RECQL: variants seen among roughly 807,000 people sequenced by gnomAD.
RECQL encodes the protein ATP-dependent DNA helicase Q1.
A neutral mutation model predicts 75.8 loss-of-function variants in RECQL; 73 were observed. The observed-to-expected ratio is 0.96, with a 90% CI of 0.80 to 1.17. The LOEUF is 1.17. Among genes scored for constraint, RECQL ranks in the 50% most tolerant of loss-of-function variants. The pLI, the probability that RECQL is intolerant of heterozygous loss-of-function variation, is 0.00. For missense variants in RECQL, 699 were observed against 772.1 expected, an observed-to-expected ratio of 0.91 and a Z score of 1.12; for synonymous variants, 248 against 254.4, an observed-to-expected ratio of 0.97 and a Z score of 0.24.
intron 13 of RECQL, 41 bp from the exon 14 acceptor site, chr12:21,471,139 G>A: frequency 6.6e-6 from 10 of 1,526,524 alleles, no homozygotes; most frequent in Non-Finnish European, 8.7e-6. Context: ...GCTTTTGAAG[G>A]AATCACGGAA....
intron 13 of RECQL, 164 bp downstream of exon 13, chr12:21,471,264 T>A (rs1358999794): frequency 5.1e-6 from 5 of 981,164 alleles, no homozygotes; most frequent in Non-Finnish European, 7.2e-6. Flanking sequence ...TTTCGTTACT[T>A]TTTTTTATTT....
rs2137328531 is a variant in RECQL at position 21,473,662 on chromosome 12, T to C, written c.1356-20A>G. The C allele has an allele frequency of 6.3e-7, 1 of 1,594,564 alleles. No individual in the cohort carries two copies. Among genetic ancestry groups the C allele is most frequent in the Non-Finnish European group, 8.6e-7 (1 of 1,164,296 alleles). On this transcript the variant is annotated intron_variant, in intron 11 of 14. Coordinates refer to ENST00000444129, the MANE Select transcript of RECQL (RefSeq NM_002907.4). ...CGACATCTGCAAACACATTTAAAGA[T>C]ACAAATTATTAAAGGATATAATAAA... is the stretch of plus-strand genomic sequence containing the variant.
intron 6 of RECQL, 29 bp downstream of exon 6, chr12:21,483,347 A>T (rs763106400): frequency 6.5e-7 from 1 of 1,536,260 alleles, no homozygotes; most frequent in South Asian, 1.2e-5. Context: ...CTATGACATC[A>T]AAAAGTTTTC....
intron 3 of RECQL, 45 bp downstream of exon 3, chr12:21,491,474 A>C: frequency 6.6e-7 from 1 of 1,519,342 alleles, no homozygotes; most frequent in Non-Finnish European, 8.8e-7. Flanking sequence ...TTTTTAAAAT[A>C]TGAGAAGAAA....
rs766998762 is a variant in RECQL at position 21,473,678 on chromosome 12, A to G, written c.1356-36T>C. On this transcript the variant is annotated intron_variant, in intron 11 of 14. Transcript: ENST00000444129. ...ATTTAAAGATACAAATTATTAAAGG[A>G]TATAATAAAGTTTTAAGAATCTCTA... 8 of 1,550,260 alleles carry G rather than the reference A, an allele frequency of 5.2e-6. No homozygotes were observed. In the African/African-American group the frequency reaches 9.6e-5, roughly 19 times the overall value.
In RECQL at chr12:21,477,955, C is replaced by CAGATTAT. The variant is rs1251973337; in HGVS notation, c.714_715insATAATCT (p.Gly239IlefsTer11). The CAGATTAT allele has an allele frequency of 6.2e-7, 1 of 1,607,834 alleles. No homozygotes were observed. The highest frequency in any genetic ancestry group is 1.1e-5 in the South Asian group (1 of 89,200). ...TTAGGGAACTGCCGCTTTAAGATACCAAGTGCCTTATAATCTGAAAAAACA... is the reference window on the plus strand; with the variant it reads ...TTAGGGAACTGCCGCTTTAAGATACCAGATTATAAGTGCCTTATAATCTGAAAAAACA... On this transcript the variant is annotated frameshift_variant, in exon 7 of 15. Transcript: ENST00000444129. LOFTEE classifies it high-confidence loss of function.
rs764491255 is a variant in RECQL, at chr12:21,475,781, C to T, written c.993G>A (p.Thr331=). 83 of 1,612,950 alleles carry T rather than the reference C, an allele frequency of 5.1e-5. No individual in the cohort carries two copies. Among genetic ancestry groups the T allele is most frequent in the Non-Finnish European group, 6.4e-5 (76 of 1,179,310 alleles). The change falls in exon 9 of 15, where the codon ACG becomes ACA. Residue 331 remains threonine (T), a synonymous_variant. Transcript: ENST00000444129. ...CFSQKDSEQV[T]VSLQNLGIHA... ...GAATTCCCAGATTCTGCAAACTAAC[C>T]GTAACTTGTTCAGAGTCTTTCTGAG...
rs1803600501 is a variant in RECQL, at chr12:21,477,985, A to T, written c.701-16T>A. On this transcript the variant is annotated splice_polypyrimidine_tract_variant and intron_variant, in intron 6 of 14. Coordinates refer to ENST00000444129, the MANE Select transcript of RECQL (RefSeq NM_002907.4). ...GCCTTATAATCTGAAAAAACAAACA[A>T]AGTGGCCCTTTTTCTATCCTTTAAG... 1.9e-6 allele frequency: 3 copies of T among 1,587,806 alleles called. No homozygotes were observed. Among genetic ancestry groups the T allele is most frequent in the Middle Eastern group, 1.7e-4 (1 of 5,950 alleles).
chr12:21,479,532 T>C (rs1273331972), intron 6 of RECQL, among the ~76,000 whole-genome samples: 1 of 152,054 alleles, frequency 6.6e-6, no homozygotes, highest in Non-Finnish European at 1.5e-5. Flanking sequence ...TTTATATTTT[T>C]AGTAGAGACG....
chr12:21,477,707 G>A (rs1413416818), intron 7 of RECQL, 96 bp downstream of exon 7: 1 of 1,004,212 alleles, frequency 1.0e-6, no homozygotes, highest in African/African-American at 1.7e-5. Context: ...ATTTTTGTAA[G>A]TACTTAACTG....
At chr12:21,489,800 A>G (rs1191111065) in intron 4 of RECQL, among the ~76,000 whole-genome samples, 1 of 152,228 alleles carries the variant, frequency 6.6e-6, no homozygotes, top group African/African-American at 2.4e-5. Flanking sequence ...GTTCAGTACA[A>G]TATGTTTTTA....
chr12:21,488,455 C>T (rs1174258356), intron 4 of RECQL, among the ~76,000 whole-genome samples: 1 of 152,186 alleles, frequency 6.6e-6, no homozygotes, highest in Non-Finnish European at 1.5e-5. Context: ...CATCTCCACA[C>T]TAACAACCCC....
chr12:21,492,485 T>C (rs1353391868), intron 2 of RECQL, among the ~76,000 whole-genome samples: 1 of 152,230 alleles, frequency 6.6e-6, no homozygotes, highest in Non-Finnish European at 1.5e-5. Flanking sequence ...CTTCATGAGA[T>C]ATAATTTATG....
chr12:21,471,626 G>A lies in RECQL; in HGVS notation c.1469C>T (p.Thr490Ile), dbSNP rs2137317527. 2 of 1,612,318 alleles carry A rather than the reference G, an allele frequency of 1.2e-6. No individual in the cohort carries two copies. The highest frequency in any genetic ancestry group is 1.7e-6 in the Non-Finnish European group (2 of 1,178,768). ...KDSAFERKNI[T>I]EYCRDLIKIL... ...CTTGATTAGATCTCTGCAGTACTCTGTTATGTTCTTTCTTTCAAATGCTGT... is the reference window on the plus strand; with the variant it reads ...CTTGATTAGATCTCTGCAGTACTCTATTATGTTCTTTCTTTCAAATGCTGT... Residue 490 changes from threonine to isoleucine, a missense_variant, in exon 13 of 15, where the codon ACA (threonine) becomes ATA (isoleucine). Around this residue, in one of 2 missense-constraint regions of RECQL, gnomAD observed 669 missense variants for 713.5 expected, o/e 0.94. Coordinates refer to ENST00000444129, the MANE Select transcript of RECQL (RefSeq NM_002907.4).
At chr12:21,470,557 C>T in intron 14 of RECQL, 1 of 657,344 alleles carries the variant, frequency 1.5e-6, no homozygotes, top group Non-Finnish European at 2.3e-6. Context: ...TTCTAAAGAC[C>T]TCAAATGTCC....
At chr12:21,499,448 G>GA (rs974989492) in intron 2 of RECQL, 107 bp downstream of exon 2, 28 of 1,094,658 alleles carry the variant, frequency 2.6e-5, no homozygotes, top group Admixed American at 1.2e-4. Flanking sequence ...TAAAAAAGCT[G>GA]AAAAAAATCA....
At position 21,470,205 on chromosome 12, in the gene RECQL, C is replaced by T. The variant is rs762901544; in HGVS notation, c.1939G>A (p.Asp647Asn). Residue 647 changes from aspartate (D) to asparagine (N), a missense_variant, in exon 15 of 15, where the codon GAT becomes AAT. Coordinates refer to ENST00000444129, the MANE Select transcript of RECQL (RefSeq NM_002907.4). ...TAGTAACATTCATATCAGGCATCAT[C>T]GATTTTTCTTTTCTTAGCTCCTGTA... ...KNTGAKKRKIDDA is the reference protein window; with the variant it reads ...KNTGAKKRKINDA 46 of 1,611,522 alleles carry T rather than the reference C, an allele frequency of 2.9e-5. No individual in the cohort carries two copies. The East Asian group carries it at 9.6e-4, about 34-fold the overall frequency.
At chr12:21,475,166 TCTA>T (rs1422877174) in intron 10 of RECQL, among the ~76,000 whole-genome samples, 187 bp from the exon 11 acceptor site, 4 of 152,014 alleles carry the variant, frequency 2.6e-5, no homozygotes, top group South Asian at 2.1e-4. Context: ...AATAATCAGC[TCTA>T]CTAAGTTAAA....
intron 10 of RECQL, 68 bp from the exon 11 acceptor site, chr12:21,475,047 ATGG>A: frequency 2.7e-6 from 4 of 1,507,396 alleles, no homozygotes; most frequent in Non-Finnish European, 3.6e-6. Flanking sequence ...AAAATGACAT[ATGG>A]TAAAATTAGC....
Sources: allele counts gnomAD v4.1 joint callset (sites outside exome capture counted in the v4.1 genomes callset), GRCh38; gene constraint gnomAD v4.1.1; regional missense constraint gnomAD v4.1.1; transcripts MANE v1.5; gene names NCBI Gene and HGNC (gene_info 2026-07-23, HGNC 2026-07-21).